STK39: variants seen among roughly 807,000 people sequenced by gnomAD.
STK39 encodes the protein serine/threonine kinase 39.
Under a neutral mutation model 77.8 loss-of-function variants are expected in STK39, and 20 were observed. The ratio of observed to expected loss-of-function variants is 0.26; its 90% confidence interval spans 0.18 to 0.37. The LOEUF is 0.37. Ranked by LOEUF, STK39 falls within the 10% of genes least tolerant of loss-of-function variation. The pLI is 1.00. For missense variants in STK39, 479 were observed against 656.5 expected (o/e 0.73, Z 2.95); for synonymous variants, 246 against 234.1 (o/e 1.05, Z -0.47).
At chr2:168,117,035 G>A (rs1687277316) in intron 10 of STK39, among the ~76,000 whole-genome samples, 1 of 152,182 alleles carries the variant, frequency 6.6e-6, no homozygotes, top group Non-Finnish European at 1.5e-5. Context: ...ATGCTGAGTG[G>A]TAGGGACTAC....
At chr2:168,006,901 A>G (rs1349089640) in intron 16 of STK39, among the ~76,000 whole-genome samples, 1 of 152,208 alleles carries the variant, frequency 6.6e-6, no homozygotes, top group Non-Finnish European at 1.5e-5. Flanking sequence ...TCTTCAATCC[A>G]GATTCTGATT....
intron 5 of STK39, among the ~76,000 whole-genome samples, chr2:168,141,784 T>G (rs1430060943): frequency 1.2e-4 from 18 of 152,212 alleles, no homozygotes; most frequent in Admixed American, 1.2e-3. Context: ...TCCCCCTTGT[T>G]GGCTGTCAGG....
chr2:168,186,866 A>T (rs1689222115), intron 1 of STK39, among the ~76,000 whole-genome samples: 1 of 152,204 alleles, frequency 6.6e-6, no homozygotes, highest in African/African-American at 2.4e-5. Context: ...CAGGAAGATT[A>T]GACTGGTTTA....
At chr2:168,058,154 C>T (rs986319726) in intron 14 of STK39, among the ~76,000 whole-genome samples, 4 of 152,160 alleles carry the variant, frequency 2.6e-5, no homozygotes, top group African/African-American at 9.7e-5. Context: ...TCTCTCTTGC[C>T]AATCTCTTGA....
chr2:168,080,420 G>A (rs1247993957), intron 10 of STK39, among the ~76,000 whole-genome samples: 1 of 152,082 alleles, frequency 6.6e-6, no homozygotes, highest in Admixed American at 6.6e-5. Context: ...ACAAGGTCAG[G>A]AGACTGAGAC....
chr2:168,164,627 G>C (rs950714780), intron 3 of STK39, among the ~76,000 whole-genome samples: 10 of 150,822 alleles, frequency 6.6e-5, no homozygotes, highest in African/African-American at 2.5e-4. Flanking sequence ...TGCCGGTCTT[G>C]AACTTCTGGG....
chr2:167,991,459 G>C (rs1683698868), intron 16 of STK39, among the ~76,000 whole-genome samples: 1 of 152,174 alleles, frequency 6.6e-6, no homozygotes, highest in Admixed American at 6.5e-5. Flanking sequence ...AGAGGTCCTA[G>C]AGTTGGGTTA....
intron 17 of STK39, among the ~76,000 whole-genome samples, chr2:167,956,325 G>A (rs933454449): frequency 2.4e-4 from 36 of 152,268 alleles, no homozygotes; most frequent in African/African-American, 7.7e-4. Flanking sequence ...TTGGGGGGCC[G>A]AGGCAGGTGG....
intron 12 of STK39, among the ~76,000 whole-genome samples, chr2:168,067,409 G>T (rs562772711): frequency 2.1e-4 from 32 of 152,216 alleles, no homozygotes; most frequent in Admixed American, 5.2e-4. Context: ...CACTCTCTCT[G>T]TTGCTCCTGC....
At chr2:168,235,452 T>A (rs1440718690) in intron 1 of STK39, among the ~76,000 whole-genome samples, 1 of 152,138 alleles carries the variant, frequency 6.6e-6, no homozygotes, top group Non-Finnish European at 1.5e-5. Flanking sequence ...GATTTTTTTT[T>A]TTTTAATTAT....
At chr2:168,181,784 G>T (rs1000418819) in intron 2 of STK39, among the ~76,000 whole-genome samples, 194 bp downstream of exon 2, 1 of 152,156 alleles carries the variant, frequency 6.6e-6, no homozygotes, top group Non-Finnish European at 1.5e-5. Flanking sequence ...TCAAAGCAAG[G>T]GAAGGTGTTC....
chr2:168,103,578 G>A (rs918325785), intron 10 of STK39, among the ~76,000 whole-genome samples: 2 of 152,140 alleles, frequency 1.3e-5, no homozygotes, highest in Admixed American at 1.3e-4. Flanking sequence ...GGGCCCAGCA[G>A]GATAAAGGAA....
intron 1 of STK39, among the ~76,000 whole-genome samples, chr2:168,208,291 T>G (rs752739150): frequency 6.6e-6 from 1 of 152,198 alleles, no homozygotes; most frequent in African/African-American, 2.4e-5. Context: ...TGCTAACCTA[T>G]TGGACTATAT....
chr2:168,023,530 AG>A (rs1684624068), intron 14 of STK39, among the ~76,000 whole-genome samples: 1 of 152,194 alleles, frequency 6.6e-6, no homozygotes, highest in Non-Finnish European at 1.5e-5. Flanking sequence ...GTACCGTGTC[AG>A]GACAATCTGA....
At chr2:168,007,506 A>G (rs1684161124) in intron 16 of STK39, among the ~76,000 whole-genome samples, 3 of 152,238 alleles carry the variant, frequency 2.0e-5, no homozygotes, top group Admixed American at 1.3e-4. Context: ...AGTCCTATAT[A>G]GCTGACAAAA....
At chr2:168,211,355 AAGT>A (rs1232302614) in intron 1 of STK39, among the ~76,000 whole-genome samples, 1 of 152,160 alleles carries the variant, frequency 6.6e-6, no homozygotes, top group Non-Finnish European at 1.5e-5. Context: ...AGTCAAGAGG[AAGT>A]AGTAGTAATT....
At chr2:168,233,959 A>G (rs1437619934) in intron 1 of STK39, among the ~76,000 whole-genome samples, 4 of 152,250 alleles carry the variant, frequency 2.6e-5, no homozygotes, top group African/African-American at 9.6e-5. Flanking sequence ...TTATATTTCA[A>G]AACTATTTTC....
At chr2:167,958,994 G>A (rs1444192784) in intron 17 of STK39, among the ~76,000 whole-genome samples, 1 of 152,126 alleles carries the variant, frequency 6.6e-6, no homozygotes, top group South Asian at 2.1e-4. Context: ...CATCAGAAAA[G>A]TCTTTAAGTA....
At chr2:168,173,904 T>C (rs1688890776) in intron 2 of STK39, among the ~76,000 whole-genome samples, 1 of 152,228 alleles carries the variant, frequency 6.6e-6, no homozygotes, top group Admixed American at 6.5e-5. Context: ...AACTCTTGCC[T>C]CCTTTATAAG....
Sources: allele counts gnomAD v4.1 joint callset (sites outside exome capture counted in the v4.1 genomes callset), GRCh38; gene constraint gnomAD v4.1.1; transcripts MANE v1.5; gene names NCBI Gene and HGNC (gene_info 2026-07-23, HGNC 2026-07-21).